UXS1: variants seen among roughly 807,000 people sequenced by gnomAD.
The protein encoded by UXS1 is UDP-glucuronic acid decarboxylase 1.
Under a neutral mutation model 62.6 loss-of-function variants are expected in UXS1, and 33 were observed. The ratio of observed to expected loss-of-function variants is 0.53; its 90% CI spans 0.40 to 0.70. UXS1 has a LOEUF of 0.70. Ranked by LOEUF, UXS1 falls within the 30% of genes least tolerant of loss-of-function variation. The pLI, the probability that UXS1 is intolerant of heterozygous loss-of-function variation, is 0.00. For missense variants in UXS1, 434 were observed against 556.3 expected (o/e 0.78, Z 2.21); for synonymous variants, 213 against 206.8 (o/e 1.03, Z -0.26).
In UXS1 at chr2:106,096,184, GT is replaced by G. The variant is rs1474424871; in HGVS notation, c.1146+533del. Among the ~76,000 whole-genome samples the G allele has an allele frequency of 1.8e-4, 17 of 91,936 alleles. No individual in the cohort carries two copies. The East Asian group carries it at 2.2e-3, about 12-fold the overall frequency. The allele number at this position is 91,936 out of a possible 152,430, so 60.3% of individuals were successfully genotyped here. A position where few individuals can be genotyped will look rare whatever the true frequency, so the allele number is the denominator to read the frequency against. On this transcript the variant is annotated intron_variant, in intron 14 of 14. Transcript: ENST00000283148. ...CTTGGCACAGCGTTCACAGTCAGGG[GT>G]GTGTGTGTGTGTGTGTGTGTATGTA... is the stretch of plus-strand genomic sequence containing the variant.
intron 5 of UXS1, among the ~76,000 whole-genome samples, chr2:106,152,864 A>G (rs1682145776): frequency 7.7e-6 from 1 of 129,818 alleles, no homozygotes; most frequent in African/African-American, 2.7e-5. Flanking sequence ...CCATGCCAAG[A>G]GGGGCAAGGA....
At chr2:106,100,488 G>C (rs1403628360) in intron 12 of UXS1, among the ~76,000 whole-genome samples, 3 of 152,190 alleles carry the variant, frequency 2.0e-5, no homozygotes, top group Non-Finnish European at 4.4e-5. Context: ...AGAGCTTTCT[G>C]CCGGCCAGAA....
At chr2:106,159,508 T>C (rs2105045244) in intron 4 of UXS1, 1 of 152,310 alleles carries the variant, frequency 6.6e-6, no homozygotes, top group South Asian at 2.1e-4. Context: ...CACACTGATG[T>C]CCCAGGAGCA....
chr2:106,169,552 T>C (rs1468911015), intron 1 of UXS1, among the ~76,000 whole-genome samples: 1 of 152,048 alleles, frequency 6.6e-6, no homozygotes, highest in African/African-American at 2.4e-5. Context: ...CCAGGGGTGG[T>C]GGCCTGTGCC....
At chr2:106,175,823 T>G (rs1010749823) in intron 1 of UXS1, among the ~76,000 whole-genome samples, 1 of 152,184 alleles carries the variant, frequency 6.6e-6, no homozygotes, top group East Asian at 1.9e-4. Flanking sequence ...CCGTCTCAAA[T>G]TCCTGATCCA....
chr2:106,119,425 GA>G (rs1679337081), intron 9 of UXS1, among the ~76,000 whole-genome samples: 1 of 152,164 alleles, frequency 6.6e-6, no homozygotes, highest in Non-Finnish European at 1.5e-5. Context: ...GAGATGGGCT[GA>G]CCACTCCCAC....
intron 11 of UXS1, chr2:106,102,811 G>A (rs1677704845): frequency 6.6e-6 from 1 of 152,216 alleles, no homozygotes; most frequent in Non-Finnish European, 1.5e-5. Context: ...GAACTCATCT[G>A]AGTCCTCAAT....
At chr2:106,127,639 T>C (rs970792766) in intron 7 of UXS1, among the ~76,000 whole-genome samples, 1 of 152,138 alleles carries the variant, frequency 6.6e-6, no homozygotes, top group Non-Finnish European at 1.5e-5. Flanking sequence ...GCAAGTTACA[T>C]AGAGGAAAGG....
At chr2:106,137,085 T>C (rs953285062) in intron 6 of UXS1, among the ~76,000 whole-genome samples, 3 of 149,938 alleles carry the variant, frequency 2.0e-5, no homozygotes, top group African/African-American at 7.4e-5. Flanking sequence ...AAACACAAAA[T>C]CTTTAAAATT....
intron 10 of UXS1, among the ~76,000 whole-genome samples, chr2:106,111,017 G>A (rs1029440448): frequency 6.6e-6 from 1 of 152,208 alleles, no homozygotes; most frequent in African/African-American, 2.4e-5. Context: ...GGGAAGGTGC[G>A]GAGGCAACAG....
intron 4 of UXS1, 100 bp from the exon 5 acceptor site, chr2:106,158,218 A>T (rs1682602973): frequency 9.6e-7 from 1 of 1,043,708 alleles, no homozygotes; most frequent in Non-Finnish European, 1.4e-6. Flanking sequence ...TGGGACTGTT[A>T]TTGTTTGCTC....
At chr2:106,172,602 G>A (rs1301634877) in intron 1 of UXS1, among the ~76,000 whole-genome samples, 3 of 151,744 alleles carry the variant, frequency 2.0e-5, no homozygotes, top group Non-Finnish European at 4.4e-5. Flanking sequence ...GTGTGGATCT[G>A]ATTCTCCCAT....
intron 10 of UXS1, among the ~76,000 whole-genome samples, chr2:106,108,672 G>A (rs1396754199): frequency 6.6e-6 from 1 of 152,158 alleles, no homozygotes; most frequent in Non-Finnish European, 1.5e-5. Context: ...GGGAACGAAG[G>A]GCTGTGTGCA....
chr2:106,141,007 G>C (rs953908284), intron 6 of UXS1, among the ~76,000 whole-genome samples: 1 of 152,210 alleles, frequency 6.6e-6, no homozygotes, highest in African/African-American at 2.4e-5. Flanking sequence ...TGATGACAGA[G>C]ACACAGATGT....
rs776255521 is a variant in UXS1, at chr2:106,112,716, C to T, written c.809G>A (p.Arg270His). Residue 270 changes from arginine to histidine, a missense_variant, in exon 10 of 15, where the codon CGC (arginine) becomes CAC (histidine). By Grantham distance (29) the Arg-to-His change is conservative. This residue lies in a region of UXS1 where 209 missense variants were observed against 233.3 expected (regional missense o/e 0.90). Transcript: ENST00000283148. Reference sequence around the variant, plus strand: ...TACTCGCCCATCGTTCATGTGCATGCGTGGCCCAAAGGTGTTGAAGATTCT... The same window carrying T: ...TACTCGCCCATCGTTCATGTGCATGTGTGGCCCAAAGGTGTTGAAGATTCT... ...VARIFNTFGP[R>H]MHMNDGRVVS... 9 of 1,613,884 alleles carry T rather than the reference C, an allele frequency of 5.6e-6. No individual in the cohort carries two copies. Among genetic ancestry groups the T allele is most frequent in the African/African-American group, 5.3e-5 (4 of 74,930 alleles).
chr2:106,120,222 C>T (rs1679410795), intron 9 of UXS1, among the ~76,000 whole-genome samples: 1 of 152,194 alleles, frequency 6.6e-6, no homozygotes, highest in Non-Finnish European at 1.5e-5. Flanking sequence ...CACACTGCAC[C>T]TTCTTCACAG....
intron 4 of UXS1, among the ~76,000 whole-genome samples, chr2:106,161,771 T>C (rs1023240519): frequency 6.6e-6 from 1 of 152,200 alleles, no homozygotes; most frequent in Non-Finnish European, 1.5e-5. Flanking sequence ...TGGCATATAA[T>C]CAAAGTATTA....
chr2:106,173,088 G>T (rs1456050766), intron 1 of UXS1, among the ~76,000 whole-genome samples: 3 of 152,128 alleles, frequency 2.0e-5, no homozygotes, highest in Non-Finnish European at 4.4e-5. Context: ...TCTGTTTATT[G>T]CCTGTTTGTG....
intron 11 of UXS1, chr2:106,101,407 C>A: frequency 2.8e-6 from 1 of 362,326 alleles, no homozygotes; most frequent in Non-Finnish European, 5.0e-6. Context: ...TTCGCCACTG[C>A]ATTTCTGAAG....
Sources: gnomAD v4.1 joint callset for allele counts (sites outside exome capture counted in the v4.1 genomes callset) on GRCh38, gnomAD v4.1.1 for gene constraint, gnomAD v4.1.1 regional missense constraint, MANE v1.5 for transcripts, NCBI Gene and HGNC (gene_info 2026-07-23, HGNC 2026-07-21) for gene names.